The following NRG3 variants were observed in gnomAD, a reference collection of about 807,000 sequenced individuals.
NRG3 encodes pro-neuregulin-3, membrane-bound isoform.
Under a neutral mutation model 66.9 loss-of-function variants are expected in NRG3, and 31 were observed. That is an observed-to-expected ratio of 0.46 (90% confidence interval 0.35 to 0.63). The LOEUF is 0.63. NRG3 is among the 20% of genes least tolerant of loss of function. The probability of loss-of-function intolerance (pLI) is 0.00; values close to 1 mark genes in which losing one functional copy is unlikely to be tolerated. For synonymous variants in NRG3, 393 were observed against 359.4 expected (o/e 1.09, Z -1.06); for missense variants, 910 against 878.9 (o/e 1.04, Z -0.45).
chr10:82,223,539 T>C (rs1357398465), intron 1 of NRG3, among the ~76,000 whole-genome samples: 2 of 152,044 alleles, frequency 1.3e-5, no homozygotes, highest in African/African-American at 2.4e-5. Context: ...CTGGACATTT[T>C]GAACAATGGA....
intron 3 of NRG3, among the ~76,000 whole-genome samples, chr10:82,798,915 T>A (rs568307554): frequency 6.6e-6 from 1 of 152,132 alleles, no homozygotes; most frequent in Admixed American, 6.5e-5. Flanking sequence ...TGGGCTGGAG[T>A]CAGTTGGAAT....
chr10:82,352,517 G>T (rs1328490609), intron 1 of NRG3, among the ~76,000 whole-genome samples: 1 of 152,170 alleles, frequency 6.6e-6, no homozygotes. Flanking sequence ...AAAGGCCCCA[G>T]AGAAGAAAGC....
At position 82,899,933 on chromosome 10, in the gene NRG3, G is replaced by C. The variant is rs1330839237; in HGVS notation, c.1054+34496G>C. On this transcript the variant is annotated intron_variant, in intron 4 of 8. Transcript: ENST00000372141. ...TAGTTTGTTTTTGCATTGCTATAAAGAAACACCTGAGACTTCGTAATTTAT... is the reference window on the plus strand; with the variant it reads ...TAGTTTGTTTTTGCATTGCTATAAACAAACACCTGAGACTTCGTAATTTAT... Among the ~76,000 whole-genome samples the C allele has an allele frequency of 2.0e-5, 3 of 152,158 alleles. No individual in the cohort carries two copies. The East Asian group carries it at 5.8e-4, about 29-fold the overall frequency.
chr10:82,515,262 A>G (rs991237488), intron 2 of NRG3, among the ~76,000 whole-genome samples: 2 of 152,242 alleles, frequency 1.3e-5, no homozygotes, highest in African/African-American at 4.8e-5. Context: ...AATGGCAACA[A>G]CAACACGCAC....
intron 1 of NRG3, among the ~76,000 whole-genome samples, chr10:82,253,109 A>G (rs11193199): frequency 0.14 from 21,222 of 152,184 alleles, 1,548 homozygotes; most frequent in East Asian, 0.24. Flanking sequence ...ATTTCCCAAT[A>G]CCAACAACTA....
chr10:82,127,691 C>T (rs2068536524), intron 1 of NRG3, among the ~76,000 whole-genome samples: 1 of 151,950 alleles, frequency 6.6e-6, no homozygotes, highest in African/African-American at 2.4e-5. Context: ...TGGCATCAGC[C>T]TATCCTAGCC....
intron 2 of NRG3, among the ~76,000 whole-genome samples, chr10:82,465,660 G>A (rs577380158): frequency 6.0e-4 from 92 of 152,138 alleles, no homozygotes; most frequent in African/African-American, 2.0e-3. Context: ...TTGAGGCCAG[G>A]GCCCAGAACC....
intron 1 of NRG3, among the ~76,000 whole-genome samples, chr10:82,183,805 C>T (rs1367870608): frequency 2.6e-5 from 4 of 151,992 alleles, no homozygotes; most frequent in Admixed American, 2.6e-4. Context: ...AATTATCTAA[C>T]CTCAAATGAC....
intron 1 of NRG3, among the ~76,000 whole-genome samples, chr10:82,216,951 T>C (rs1483028657): frequency 1.3e-5 from 2 of 152,234 alleles, no homozygotes; most frequent in East Asian, 1.9e-4. Context: ...TAAGAAGTTC[T>C]CATTTTGTTT....
chr10:82,891,950 C>G (rs952095147), intron 4 of NRG3, among the ~76,000 whole-genome samples: 2 of 151,860 alleles, frequency 1.3e-5, no homozygotes, highest in African/African-American at 4.8e-5. Context: ...CCTTCTATTT[C>G]TAGTTATCAA....
At chr10:82,442,785 T>A (rs891918064) in intron 2 of NRG3, among the ~76,000 whole-genome samples, 1 of 52,010 alleles carries the variant, frequency 1.9e-5, no homozygotes, top group African/African-American at 1.8e-4. Flanking sequence ...TCTGTGTGGA[T>A]TTTTTTTTTT....
At chr10:81,993,110 T>A (rs939725953) in intron 1 of NRG3, among the ~76,000 whole-genome samples, 1 of 152,194 alleles carries the variant, frequency 6.6e-6, no homozygotes, top group African/African-American at 2.4e-5. Flanking sequence ...AGACTAAGAA[T>A]GATTGATATC....
At chr10:82,188,001 T>C (rs2133309809) in intron 1 of NRG3, among the ~76,000 whole-genome samples, 1 of 150,986 alleles carries the variant, frequency 6.6e-6, no homozygotes, top group East Asian at 1.9e-4. Context: ...CAAAAGAGAA[T>C]AGCTAAAGCT....
chr10:82,175,686 C>T (rs1287368070), intron 1 of NRG3, among the ~76,000 whole-genome samples: 2 of 152,134 alleles, frequency 1.3e-5, no homozygotes, highest in Admixed American at 6.5e-5. Flanking sequence ...ATCTTTCTCC[C>T]TAATTGGACT....
intron 2 of NRG3, among the ~76,000 whole-genome samples, chr10:82,578,138 A>G (rs1419000565): frequency 6.6e-6 from 1 of 151,378 alleles, no homozygotes; most frequent in Non-Finnish European, 1.5e-5. Flanking sequence ...TAATTCATTA[A>G]CGCAAGCAGA....
At chr10:82,559,760 A>C (rs1197238349) in intron 2 of NRG3, among the ~76,000 whole-genome samples, 3 of 152,220 alleles carry the variant, frequency 2.0e-5, no homozygotes, top group African/African-American at 7.2e-5. Flanking sequence ...GTCACTAAAC[A>C]GTATCAATGG....
At chr10:82,020,803 C>G (rs989856545) in intron 1 of NRG3, among the ~76,000 whole-genome samples, 2 of 152,076 alleles carry the variant, frequency 1.3e-5, no homozygotes, top group Non-Finnish European at 2.9e-5. Flanking sequence ...CCTCAGTTTA[C>G]TTATTATAAA....
intron 2 of NRG3, among the ~76,000 whole-genome samples, chr10:82,615,170 A>G (rs183449634): frequency 6.6e-6 from 1 of 152,296 alleles, no homozygotes; most frequent in South Asian, 2.1e-4. Context: ...TGATTAATTT[A>G]TTACTCATTA....
rs143944483 is a variant in NRG3, at chr10:82,397,561, C to A, written c.953+38693C>A. On this transcript the variant is annotated intron_variant, in intron 2 of 8. Transcript: ENST00000372141. Reference sequence around the variant, plus strand: ...AATTTCTGCTTGTCCCATTCAGTATCTTTTAGACATTTCTAATCTAGAGTC... The same window carrying A: ...AATTTCTGCTTGTCCCATTCAGTATATTTTAGACATTTCTAATCTAGAGTC... Among the ~76,000 whole-genome samples the A allele has an allele frequency of 4.5e-3, 691 of 152,164 alleles. 5 individuals are homozygous for A. Among genetic ancestry groups the A allele is most frequent in the African/African-American group, 0.016 (665 of 41,510 alleles).
Sources: gnomAD v4.1 joint callset for allele counts (sites outside exome capture counted in the v4.1 genomes callset) on GRCh38, gnomAD v4.1.1 for gene constraint, MANE v1.5 for transcripts, NCBI Gene and HGNC (gene_info 2026-07-23, HGNC 2026-07-21) for gene names.